The following RAD54L2 variants were observed in gnomAD, a reference collection of about 807,000 sequenced individuals.
RAD54L2 encodes the protein RAD54 like 2, also known as helicase ARIP4.
RAD54L2 carries 27 observed loss-of-function variants against 138.4 expected under a neutral mutation model. That is an observed-to-expected ratio of 0.20 (90% CI 0.14 to 0.27). The LOEUF (loss-of-function observed/expected upper bound fraction) is 0.27. RAD54L2 is among the 10% of genes least tolerant of loss of function. RAD54L2 has a pLI of 1.00. For missense variants in RAD54L2, 1,396 were observed against 1,890.2 expected (o/e 0.74, Z 4.85); for synonymous variants, 644 against 723.2 (o/e 0.89, Z 1.76).
Position 51,660,027 on chromosome 3 carries a change from G to A in RAD54L2, c.3318G>A (p.Gly1106=), listed in dbSNP as rs753158899. Residue 1106 remains glycine, a splice_region_variant and synonymous_variant, in exon 22 of 23, where the codon GGG becomes GGA. Transcript: ENST00000684192. The part of the protein sequence containing the change: ...ESIHIIRGTK[G]TYIRTSDGRI... ...TGTCTTCTTCGTGTCTATTCTTAGGGACGTACATCCGTACCAGTGATGGAC... is the reference window on the plus strand; with the variant it reads ...TGTCTTCTTCGTGTCTATTCTTAGGAACGTACATCCGTACCAGTGATGGAC... The A allele has an allele frequency of 6.4e-7, 1 of 1,573,144 alleles. No homozygotes were observed. Among genetic ancestry groups the A allele is most frequent in the South Asian group, 1.1e-5 (1 of 87,938 alleles).
chr3:51,630,318 G>A lies in RAD54L2; in HGVS notation c.528G>A (p.Arg176=), dbSNP rs751927981. ...RASDGPQLPP[R]VLAQEVICLD... is the part of the protein sequence containing the mutation. Reference sequence around the variant, plus strand: ...GTGACGGTCCCCAACTGCCTCCTCGGGTCTTGGCCCAGGAAGTCATTTGTT... The same window carrying A: ...GTGACGGTCCCCAACTGCCTCCTCGAGTCTTGGCCCAGGAAGTCATTTGTT... Residue 176 remains arginine, a synonymous_variant, in exon 6 of 23, where the codon CGG becomes CGA. Transcript: ENST00000684192. 5.0e-6 allele frequency: 8 copies of A among 1,613,884 alleles called. No individual in the cohort carries two copies. In the African/African-American group the frequency reaches 1.1e-4, roughly 22 times the overall value.
chr3:51,643,686 CT>C (rs1381846454), intron 15 of RAD54L2, among the ~76,000 whole-genome samples, 188 bp from the exon 16 acceptor site: 1 of 152,154 alleles, frequency 6.6e-6, no homozygotes, highest in Non-Finnish European at 1.5e-5. Context: ...TGAGAATCAC[CT>C]GGGGGTATTT....
intron 3 of RAD54L2, among the ~76,000 whole-genome samples, chr3:51,616,703 C>T (rs890778954): frequency 3.3e-5 from 5 of 152,150 alleles, no homozygotes; most frequent in Non-Finnish European, 5.9e-5. Context: ...TGGTAGGCGC[C>T]TGTAATCCCA....
At chr3:51,611,607 C>G (rs1412771836) in intron 3 of RAD54L2, 1 of 151,440 alleles carries the variant, frequency 6.6e-6, no homozygotes, top group Non-Finnish European at 1.5e-5. Flanking sequence ...GTTGCCCAGG[C>G]TGGAGTGCAG....
intron 3 of RAD54L2, among the ~76,000 whole-genome samples, chr3:51,618,468 G>A (rs1267430929): frequency 1.3e-5 from 2 of 152,104 alleles, no homozygotes; most frequent in Non-Finnish European, 2.9e-5. Context: ...AGCTACTCAG[G>A]GGCCTGAGGT....
chr3:51,644,888 C>T (rs1701234037), intron 16 of RAD54L2, 136 bp from the exon 17 acceptor site: 1 of 829,312 alleles, frequency 1.2e-6, no homozygotes, highest in East Asian at 2.6e-5. Context: ...ATCAGCAGGA[C>T]AGCAAAATCC....
Position 51,545,550 on chromosome 3 carries a change from GTTTT to G in RAD54L2, c.-55+3904_-55+3907del, listed in dbSNP as rs1698668907. Among the ~76,000 whole-genome samples the G allele has an allele frequency of 2.6e-5, 4 of 151,850 alleles. No individual in the cohort carries two copies. The South Asian group carries it at 6.2e-4, about 24-fold the overall frequency. ...ATACTACCTAAATTACTTTGAATTAGTTTTTTTAAGATTTTTTTTAAATTTTTAA... is the reference window on the plus strand; with the variant it reads ...ATACTACCTAAATTACTTTGAATTAGTTTAAGATTTTTTTTAAATTTTTAA... On this transcript the variant is annotated intron_variant, in intron 2 of 22. Transcript: ENST00000684192.
At chr3:51,651,986 G>A (rs945047075) in intron 19 of RAD54L2, among the ~76,000 whole-genome samples, 2 of 152,304 alleles carry the variant, frequency 1.3e-5, no homozygotes, top group South Asian at 4.2e-4. Flanking sequence ...AGGAAAAGAG[G>A]AAGTCAAATT....
At chr3:51,548,321 T>G (rs2108687845) in intron 2 of RAD54L2, among the ~76,000 whole-genome samples, 1 of 152,026 alleles carries the variant, frequency 6.6e-6, no homozygotes, top group South Asian at 2.1e-4. Flanking sequence ...CCTGAGTAGC[T>G]GGGATTACAG....
Position 51,552,858 on chromosome 3 carries a change from C to G in RAD54L2, c.-55+11208C>G, listed in dbSNP as rs1166976814. 2.0e-5 allele frequency among the ~76,000 whole-genome samples: 3 copies of G among 152,126 alleles called. No homozygotes were observed. The East Asian group carries it at 5.8e-4, about 29-fold the overall frequency. ...TACAGGTGTGAGCTACCATGCGTGGCTGGGAATCAACATTTTGAATCTTTG... is the reference window on the plus strand; with the variant it reads ...TACAGGTGTGAGCTACCATGCGTGGGTGGGAATCAACATTTTGAATCTTTG... On this transcript the variant is annotated intron_variant, in intron 2 of 22. Coordinates refer to ENST00000684192, the MANE Select transcript of RAD54L2 (RefSeq NM_015106.4).
At chr3:51,617,774 A>C (rs1346876376) in intron 3 of RAD54L2, among the ~76,000 whole-genome samples, 6 of 152,078 alleles carry the variant, frequency 3.9e-5, no homozygotes, top group African/African-American at 7.2e-5. Flanking sequence ...TGCTCAGGAG[A>C]ACTACTTGAC....
At chr3:51,614,162 C>CT (rs75455053) in intron 3 of RAD54L2, among the ~76,000 whole-genome samples, 146 of 145,200 alleles carry the variant, frequency 1.0e-3, no homozygotes, top group Middle Eastern at 3.5e-3. Context: ...TGTTCTGTTT[C>CT]TTTTTTTTTT....
chr3:51,657,562 G>C lies in RAD54L2; in HGVS notation c.3227-18G>C. On this transcript the variant is annotated intron_variant, in intron 20 of 22. Coordinates refer to ENST00000684192, the MANE Select transcript of RAD54L2 (RefSeq NM_015106.4). ...CAGGCCCCGTGCAATCTAAATTTAA[G>C]ATCTGTGTTTTTCCTAGATATTGTT... 2.0e-6 allele frequency: 3 copies of C among 1,500,142 alleles called. No homozygotes were observed. Among genetic ancestry groups the C allele is most frequent in the Non-Finnish European group, 2.7e-6 (3 of 1,096,688 alleles). 92.9% of individuals were successfully genotyped at this position (1,500,142 alleles called of 1,614,324 possible). A position where few individuals can be genotyped will look rare whatever the true frequency, so the allele number is the denominator to read the frequency against.
intron 1 of RAD54L2, 175 bp from the exon 2 acceptor site, chr3:51,541,414 T>C (rs1698545098): frequency 6.6e-6 from 1 of 152,236 alleles, no homozygotes; most frequent in African/African-American, 2.4e-5. Flanking sequence ...TTTTAAGTAC[T>C]CCTGTAGACA....
chr3:51,548,696 G>A (rs1345882881), intron 2 of RAD54L2, among the ~76,000 whole-genome samples: 1 of 152,106 alleles, frequency 6.6e-6, no homozygotes, highest in Non-Finnish European at 1.5e-5. Flanking sequence ...TATTGTTAGG[G>A]CTTCAGTTTG....
chr3:51,596,989 A>G (rs182881061), intron 3 of RAD54L2, among the ~76,000 whole-genome samples: 213 of 152,022 alleles, frequency 1.4e-3, no homozygotes, highest in African/African-American at 4.8e-3. Flanking sequence ...ACATGGTGAA[A>G]CCCCATTTCT....
intron 3 of RAD54L2, among the ~76,000 whole-genome samples, chr3:51,595,099 CAATT>C (rs1255214930): frequency 6.6e-6 from 1 of 151,954 alleles, no homozygotes; most frequent in Non-Finnish European, 1.5e-5. Context: ...CACATGAACT[CAATT>C]AATCCACACG....
intron 2 of RAD54L2, among the ~76,000 whole-genome samples, chr3:51,558,841 T>C (rs1699032616): frequency 6.6e-6 from 1 of 152,058 alleles, no homozygotes. Context: ...CATTCCTTAA[T>C]AGAAATCAAC....
chr3:51,577,673 C>CT (rs1699509650), intron 2 of RAD54L2, among the ~76,000 whole-genome samples: 2 of 152,090 alleles, frequency 1.3e-5, no homozygotes, highest in Non-Finnish European at 2.9e-5. Context: ...GCAACCCCTG[C>CT]TTTTTTTGGT....
Sources: allele counts gnomAD v4.1 joint callset (sites outside exome capture counted in the v4.1 genomes callset), GRCh38; gene constraint gnomAD v4.1.1; transcripts MANE v1.5; gene names NCBI Gene and HGNC (gene_info 2026-07-23, HGNC 2026-07-21).